The following SUSD1 variants were observed in gnomAD, a reference collection of about 807,000 sequenced individuals.
The protein encoded by SUSD1 is sushi domain containing 1.
A neutral mutation model predicts 86.9 loss-of-function variants in SUSD1; 65 were observed. That is an observed-to-expected ratio of 0.75 (90% CI 0.61 to 0.92). The LOEUF is 0.92. SUSD1 is among the 40% of genes least tolerant of loss of function. The pLI, the probability that SUSD1 is intolerant of heterozygous loss-of-function variation, is 0.00. For synonymous variants in SUSD1, 346 were observed against 350.0 expected, an observed-to-expected ratio of 0.99 and a Z score of 0.13; for missense variants, 850 against 929.7, an observed-to-expected ratio of 0.91 and a Z score of 1.11.
At chr9:112,107,254 C>CAAAAAAAAAAAAA (rs71382407) in intron 8 of SUSD1, among the ~76,000 whole-genome samples, 6 of 66,184 alleles carry the variant, frequency 9.1e-5, no homozygotes, top group East Asian at 4.2e-4. Context: ...GACCATATCT[C>CAAAAAAAAAAAAA]AAAAAAAAAA....
At chr9:112,087,478 G>A (rs1171428300) in intron 10 of SUSD1, among the ~76,000 whole-genome samples, 2 of 152,126 alleles carry the variant, frequency 1.3e-5, no homozygotes, top group African/African-American at 4.8e-5. Context: ...ACTGAGCCAG[G>A]CCTAGGAAAT....
At chr9:112,072,264 C>T (rs1188735158) in intron 12 of SUSD1, among the ~76,000 whole-genome samples, 2 of 150,962 alleles carry the variant, frequency 1.3e-5, no homozygotes, top group African/African-American at 4.9e-5. Flanking sequence ...ATTCTCCTGC[C>T]TCAGCCTCCC....
At chr9:112,111,568 T>G (rs1831097103) in intron 8 of SUSD1, 86 bp downstream of exon 8, 1 of 1,520,216 alleles carries the variant, frequency 6.6e-7, no homozygotes, top group Admixed American at 2.0e-5. Context: ...ATAGGAGCTC[T>G]CCAGCCCAGC....
intron 1 of SUSD1, among the ~76,000 whole-genome samples, chr9:112,165,942 G>GGAAGA (rs1833793170): frequency 2.8e-5 from 2 of 71,956 alleles, no homozygotes; most frequent in African/African-American, 1.1e-4. Flanking sequence ...AAGAAAGAAA[G>GGAAGA]AAGAAAGAAA....
At chr9:112,103,632 GC>G (rs1830716434) in intron 8 of SUSD1, among the ~76,000 whole-genome samples, 1 of 152,134 alleles carries the variant, frequency 6.6e-6, no homozygotes, top group Non-Finnish European at 1.5e-5. Flanking sequence ...CACTTCCCAC[GC>G]CCAAGCCTGA....
At chr9:112,128,278 G>C (rs1831865718) in intron 5 of SUSD1, among the ~76,000 whole-genome samples, 1 of 151,930 alleles carries the variant, frequency 6.6e-6, no homozygotes, top group South Asian at 2.1e-4. Flanking sequence ...AGTTTTAGTA[G>C]AGATGGGGTT....
At chr9:112,152,002 C>G (rs1182622810) in intron 2 of SUSD1, among the ~76,000 whole-genome samples, 1 of 151,792 alleles carries the variant, frequency 6.6e-6, no homozygotes, top group South Asian at 2.1e-4. Context: ...CCATTGCACT[C>G]CAGCCTGGGC....
chr9:112,091,362 TCC>T (rs1830197965), intron 10 of SUSD1, among the ~76,000 whole-genome samples: 1 of 152,170 alleles, frequency 6.6e-6, no homozygotes, highest in African/African-American at 2.4e-5. Context: ...TTTTATAAAG[TCC>T]ACATAGATCT....
chr9:112,125,837 T>G (rs563039125), intron 5 of SUSD1, among the ~76,000 whole-genome samples: 1 of 152,374 alleles, frequency 6.6e-6, no homozygotes, highest in East Asian at 1.9e-4. Flanking sequence ...GCAACTGCAC[T>G]CTTTTACATC....
At chr9:112,138,948 C>CA (rs1454219382) in intron 5 of SUSD1, among the ~76,000 whole-genome samples, 1 of 152,014 alleles carries the variant, frequency 6.6e-6, no homozygotes, top group African/African-American at 2.4e-5. Flanking sequence ...TCTTTGCATG[C>CA]ACAAATAAAT....
chr9:112,158,611 C>T (rs1346362883), intron 1 of SUSD1, among the ~76,000 whole-genome samples: 3 of 152,100 alleles, frequency 2.0e-5, no homozygotes, highest in Non-Finnish European at 2.9e-5. Context: ...AGGCTGGTCT[C>T]GAACCCCTGA....
chr9:112,100,773 A>G (rs1266527032), intron 9 of SUSD1, among the ~76,000 whole-genome samples: 1 of 151,148 alleles, frequency 6.6e-6, no homozygotes, highest in East Asian at 2.0e-4. Context: ...GGGAGGCTGC[A>G]GTGAGCCAAG....
chr9:112,141,204 C>T (rs1832547147), intron 5 of SUSD1, among the ~76,000 whole-genome samples: 1 of 152,198 alleles, frequency 6.6e-6, no homozygotes, highest in Non-Finnish European at 1.5e-5. Context: ...CCAGCAATGC[C>T]ACAAACACGT....
intron 15 of SUSD1, among the ~76,000 whole-genome samples, chr9:112,043,435 C>T (rs949642489): frequency 3.3e-5 from 5 of 152,174 alleles, no homozygotes; most frequent in Admixed American, 1.3e-4. Context: ...TCCAACCCAA[C>T]CAATCAGCAC....
chr9:112,119,851 C>T (rs1200487819), intron 6 of SUSD1, among the ~76,000 whole-genome samples: 9 of 152,156 alleles, frequency 5.9e-5, no homozygotes, highest in Non-Finnish European at 1.2e-4. Context: ...CCATTAAAAG[C>T]ACATACGATT....
At chr9:112,070,087 C>T (rs1448243665) in intron 12 of SUSD1, among the ~76,000 whole-genome samples, 1 of 152,148 alleles carries the variant, frequency 6.6e-6, no homozygotes, top group Non-Finnish European at 1.5e-5. Flanking sequence ...CTCACTGCAG[C>T]CTCCGCCTCC....
chr9:112,145,080 A>T (rs1832751624), intron 3 of SUSD1, among the ~76,000 whole-genome samples: 1 of 152,038 alleles, frequency 6.6e-6, no homozygotes, highest in Non-Finnish European at 1.5e-5. Context: ...TCATCTCTAA[A>T]AATAATAATA....
intron 5 of SUSD1, among the ~76,000 whole-genome samples, chr9:112,137,630 T>C (rs1488049465): frequency 6.6e-6 from 1 of 152,212 alleles, no homozygotes; most frequent in Non-Finnish European, 1.5e-5. Context: ...ATGATCAAAA[T>C]GCGTGTAGAG....
In SUSD1 at chr9:112,087,702, A is replaced by C. The variant is rs1038361543; in HGVS notation, c.1475-7537T>G. 3.5e-4 allele frequency among the ~76,000 whole-genome samples: 54 copies of C among 152,226 alleles called. 1 individual carries two copies. Among genetic ancestry groups the C allele is most frequent in the Admixed American group, 3.2e-3 (49 of 15,280 alleles). ...AAAATGAGATCAAAAAGAAGTTAAA[A>C]GGGTCAAAAATAAAGTGAATGAAGT... On this transcript the variant is annotated intron_variant, in intron 10 of 16. Coordinates refer to ENST00000374270, the MANE Select transcript of SUSD1 (RefSeq NM_022486.5).
Sources: gnomAD v4.1 joint callset for allele counts (sites outside exome capture counted in the v4.1 genomes callset) on GRCh38, gnomAD v4.1.1 for gene constraint, MANE v1.5 for transcripts, NCBI Gene and HGNC (gene_info 2026-07-23, HGNC 2026-07-21) for gene names.